Variants in ZFAND3 observed in about 807,000 individuals in gnomAD.
The protein encoded by ZFAND3 is zinc finger AN1-type containing 3.
A neutral mutation model predicts 29.6 loss-of-function variants in ZFAND3; 10 were observed. That is an observed-to-expected ratio of 0.34 (90% CI 0.21 to 0.57). The LOEUF is 0.57. Among genes scored for constraint, ZFAND3 ranks in the 20% least tolerant of loss-of-function variants. ZFAND3 has a pLI of 0.86. For synonymous variants in ZFAND3, 128 were observed against 112.6 expected, an observed-to-expected ratio of 1.14 and a Z score of -0.87; for missense variants, 230 against 304.5, an observed-to-expected ratio of 0.76 and a Z score of 1.82.
At chr6:38,116,530 C>T (rs1224193559) in intron 4 of ZFAND3, 42 bp from the exon 5 acceptor site, 2 of 1,572,874 alleles carry the variant, frequency 1.3e-6, no homozygotes, top group African/African-American at 1.4e-5. Flanking sequence ...GCTTGCCAGG[C>T]CAGGCACTAA....
chr6:38,120,787 TC>T (rs1765518596), intron 5 of ZFAND3, among the ~76,000 whole-genome samples: 3 of 152,318 alleles, frequency 2.0e-5, no homozygotes, highest in Admixed American at 2.0e-4. Flanking sequence ...TTTATTAACC[TC>T]CTGAGTAATC....
chr6:37,870,732 A>G (rs1011866004), intron 1 of ZFAND3, among the ~76,000 whole-genome samples: 1 of 152,008 alleles, frequency 6.6e-6, no homozygotes, highest in African/African-American at 2.4e-5. Context: ...TGCTCAGGCT[A>G]GAGGGCAGTG....
intron 1 of ZFAND3, among the ~76,000 whole-genome samples, chr6:37,872,702 G>A (rs1764715964): frequency 6.6e-6 from 1 of 152,182 alleles, no homozygotes; most frequent in Non-Finnish European, 1.5e-5. Context: ...TATGTTGCAT[G>A]TAATTTGTTC....
chr6:38,055,552 G>T (rs1232450532), intron 2 of ZFAND3, among the ~76,000 whole-genome samples: 2 of 152,204 alleles, frequency 1.3e-5, no homozygotes, highest in Non-Finnish European at 2.9e-5. Context: ...CCCTGGCAGA[G>T]TGCTTGACTC....
chr6:38,043,984 A>G (rs900221673), intron 2 of ZFAND3, among the ~76,000 whole-genome samples: 8 of 152,108 alleles, frequency 5.3e-5, no homozygotes, highest in Non-Finnish European at 1.0e-4. Flanking sequence ...ACAGAATTAC[A>G]TGAGTATATT....
chr6:38,100,741 T>C (rs1033422088), intron 4 of ZFAND3, among the ~76,000 whole-genome samples: 1 of 152,254 alleles, frequency 6.6e-6, no homozygotes, highest in African/African-American at 2.4e-5. Flanking sequence ...TTTTCTTTTT[T>C]TAACATAATT....
intron 1 of ZFAND3, among the ~76,000 whole-genome samples, chr6:37,917,977 C>T (rs1286859417): frequency 6.6e-6 from 1 of 152,174 alleles, no homozygotes; most frequent in Non-Finnish European, 1.5e-5. Context: ...ATATTGCTTT[C>T]TCCTCCTCCA....
chr6:38,121,111 T>C (rs765214704), intron 5 of ZFAND3, among the ~76,000 whole-genome samples: 3 of 152,208 alleles, frequency 2.0e-5, no homozygotes, highest in Admixed American at 6.5e-5. Flanking sequence ...CCCAACACTT[T>C]AGGAGGCCAA....
At chr6:38,067,858 G>A (rs534193746) in intron 3 of ZFAND3, among the ~76,000 whole-genome samples, 1 of 152,148 alleles carries the variant, frequency 6.6e-6, no homozygotes, top group Non-Finnish European at 1.5e-5. Context: ...TGACCTGTTT[G>A]GTAACATGAT....
At chr6:37,899,183 A>G (rs2127400093) in intron 1 of ZFAND3, among the ~76,000 whole-genome samples, 1 of 152,246 alleles carries the variant, frequency 6.6e-6, no homozygotes, top group South Asian at 2.1e-4. Context: ...TACAGGCATG[A>G]GCCACCACAC....
intron 1 of ZFAND3, among the ~76,000 whole-genome samples, chr6:37,912,547 A>G (rs1239442083): frequency 6.6e-6 from 1 of 152,150 alleles, no homozygotes; most frequent in East Asian, 1.9e-4. Context: ...CCAGTTAAAT[A>G]AGGGTCATTG....
chr6:37,857,188 A>T (rs1764399802), intron 1 of ZFAND3, among the ~76,000 whole-genome samples: 1 of 152,208 alleles, frequency 6.6e-6, no homozygotes, highest in Non-Finnish European at 1.5e-5. Flanking sequence ...TAGAAAATCC[A>T]GAATAATGGA....
At chr6:37,918,894 G>A (rs993979203) in intron 1 of ZFAND3, among the ~76,000 whole-genome samples, 15 of 150,242 alleles carry the variant, frequency 1.0e-4, no homozygotes, top group African/African-American at 3.0e-4. Flanking sequence ...TCAGATACTT[G>A]CTCTTGTACT....
chr6:38,083,035 G>C (rs1764692995), intron 4 of ZFAND3, among the ~76,000 whole-genome samples: 1 of 152,054 alleles, frequency 6.6e-6, no homozygotes, highest in African/African-American at 2.4e-5. Context: ...TTCGCCTGTA[G>C]CTTAATTTAT....
At position 38,054,110 on chromosome 6, in the gene ZFAND3, G is replaced by A. The variant is rs568990908; in HGVS notation, c.113-7483G>A. Among the ~76,000 whole-genome samples, 5 of 151,586 alleles carry A rather than the reference G, an allele frequency of 3.3e-5. No individual in the cohort carries two copies. In the East Asian group the frequency reaches 9.7e-4, roughly 29 times the overall value. On this transcript the variant is annotated intron_variant, in intron 2 of 5. Coordinates refer to ENST00000287218, the MANE Select transcript of ZFAND3 (RefSeq NM_021943.3). ...TTTGAAAGGACATAGGCTGAGCATG[G>A]TGGCTTACACCTGTAATCCTGGCAC...
intron 1 of ZFAND3, among the ~76,000 whole-genome samples, chr6:37,922,890 C>T (rs1217457020): frequency 6.6e-6 from 1 of 152,136 alleles, no homozygotes; most frequent in Non-Finnish European, 1.5e-5. Context: ...GGTCCTAGGA[C>T]ATTATGTTAC....
chr6:37,825,763 T>C (rs1445850948), intron 1 of ZFAND3, among the ~76,000 whole-genome samples: 1 of 152,178 alleles, frequency 6.6e-6, no homozygotes, highest in Non-Finnish European at 1.5e-5. Flanking sequence ...TTTTCACAAA[T>C]TAACCTTTCC....
chr6:37,939,669 AGTTTAGAGAACTGTTTGG>A (rs1165805007), intron 2 of ZFAND3, among the ~76,000 whole-genome samples: 1 of 152,170 alleles, frequency 6.6e-6, no homozygotes, highest in Admixed American at 6.5e-5. Context: ...GGAGACTTCT[AGTTTAGAGAACTGTTTGG>A]GTTGGATACA....
At chr6:37,953,367 A>G (rs1367132083) in intron 2 of ZFAND3, among the ~76,000 whole-genome samples, 3 of 151,742 alleles carry the variant, frequency 2.0e-5, no homozygotes, top group Admixed American at 6.6e-5. Flanking sequence ...TAAACTTTAT[A>G]ATAATATACT....
Sources: gnomAD v4.1 joint callset for allele counts (sites outside exome capture counted in the v4.1 genomes callset) on GRCh38, gnomAD v4.1.1 for gene constraint, MANE v1.5 for transcripts, NCBI Gene and HGNC (gene_info 2026-07-23, HGNC 2026-07-21) for gene names.